The following NKAIN2 variants were observed in gnomAD, a reference collection of about 807,000 sequenced individuals.
The protein encoded by NKAIN2 is sodium/potassium transporting ATPase interacting 2.
In NKAIN2, 14 loss-of-function variants were observed where a neutral mutation model predicts 32.6. The observed-to-expected ratio is 0.43, with a 90% CI of 0.28 to 0.67. The LOEUF is 0.67. NKAIN2 is among the 30% of genes least tolerant of loss of function. The pLI, the probability that NKAIN2 is intolerant of heterozygous loss-of-function variation, is 0.17. For synonymous variants in NKAIN2, 80 were observed against 87.2 expected, an observed-to-expected ratio of 0.92 and a Z score of 0.46; for missense variants, 198 against 258.3, an observed-to-expected ratio of 0.77 and a Z score of 1.60.
At position 124,563,874 on chromosome 6, in the gene NKAIN2, GACAGGGTGTATCATC is replaced by G. The variant is rs144226629; in HGVS notation, c.274-94308_274-94294del. Among the ~76,000 whole-genome samples, 513 of 152,264 alleles carry G rather than the reference GACAGGGTGTATCATC, an allele frequency of 3.4e-3. 2 individuals carry two copies. Among genetic ancestry groups the G allele is most frequent in the African/African-American group, 0.012 (501 of 41,540 alleles). On this transcript the variant is annotated intron_variant, in intron 3 of 6. Coordinates refer to ENST00000368417, the MANE Select transcript of NKAIN2 (RefSeq NM_001040214.3). ...GGGCTTCACTGGGCAATGAAGAGGG[GACAGGGTGTATCATC>G]ACATGTAGAGGAGGGGTCCCAGTGG... is the stretch of plus-strand genomic sequence containing the variant.
At chr6:123,970,839 G>A (rs537476658) in intron 1 of NKAIN2, among the ~76,000 whole-genome samples, 1 of 151,878 alleles carries the variant, frequency 6.6e-6, no homozygotes, top group Non-Finnish European at 1.5e-5. Flanking sequence ...CTGAGATCGC[G>A]CCACTGCACT....
intron 1 of NKAIN2, among the ~76,000 whole-genome samples, chr6:124,003,727 G>C (rs1358878243): frequency 6.6e-6 from 1 of 152,158 alleles, no homozygotes; most frequent in African/African-American, 2.4e-5. Context: ...GTTGACATCA[G>C]AGCTACAGAG....
intron 4 of NKAIN2, among the ~76,000 whole-genome samples, chr6:124,714,020 A>C (rs1775628192): frequency 6.6e-6 from 1 of 152,208 alleles, no homozygotes; most frequent in African/African-American, 2.4e-5. Context: ...CAGCATCCTT[A>C]AGACATTCTC....
At chr6:124,765,741 T>A (rs950176559) in intron 4 of NKAIN2, among the ~76,000 whole-genome samples, 7 of 152,176 alleles carry the variant, frequency 4.6e-5, no homozygotes, top group Admixed American at 1.3e-4. Context: ...CCACCCTGAA[T>A]CTCTAAAAAC....
chr6:124,658,077 A>C, intron 3 of NKAIN2, 109 bp from the exon 4 acceptor site: 1 of 854,152 alleles, frequency 1.2e-6, no homozygotes, highest in South Asian at 1.8e-5. Context: ...GGAAAAAAAA[A>C]ACAAACAAAC....
intron 4 of NKAIN2, among the ~76,000 whole-genome samples, chr6:124,703,738 TAAAC>T (rs899969712): frequency 2.6e-5 from 4 of 151,938 alleles, no homozygotes; most frequent in Non-Finnish European, 5.9e-5. Context: ...TGTTAGGAAA[TAAAC>T]AATCTTCTCA....
At chr6:124,412,369 T>G (rs941000851) in intron 3 of NKAIN2, among the ~76,000 whole-genome samples, 4 of 152,212 alleles carry the variant, frequency 2.6e-5, no homozygotes, top group Non-Finnish European at 5.9e-5. Context: ...ATGTCCTTTC[T>G]GTTTGTTAGT....
At chr6:124,051,694 A>G (rs1469767155) in intron 1 of NKAIN2, among the ~76,000 whole-genome samples, 3 of 151,964 alleles carry the variant, frequency 2.0e-5, no homozygotes, top group Non-Finnish European at 2.9e-5. Flanking sequence ...TGCAGTGCCA[A>G]GTTACAAGAT....
At chr6:124,332,530 A>C (rs905059955) in intron 2 of NKAIN2, among the ~76,000 whole-genome samples, 2 of 152,204 alleles carry the variant, frequency 1.3e-5, no homozygotes, top group African/African-American at 4.8e-5. Flanking sequence ...AAGTAGCATA[A>C]GTCTTGCAAA....
intron 3 of NKAIN2, among the ~76,000 whole-genome samples, chr6:124,401,829 A>G (rs1313049037): frequency 6.6e-6 from 1 of 152,128 alleles, no homozygotes; most frequent in Non-Finnish European, 1.5e-5. Context: ...GTATACAACT[A>G]TTATTTACTC....
intron 2 of NKAIN2, among the ~76,000 whole-genome samples, chr6:124,349,239 C>T (rs763170049): frequency 6.6e-6 from 1 of 151,944 alleles, no homozygotes; most frequent in African/African-American, 2.4e-5. Context: ...CTGGTTTACC[C>T]CCTCACAGAT....
At chr6:124,185,099 G>A (rs1255347363) in intron 1 of NKAIN2, among the ~76,000 whole-genome samples, 1 of 151,904 alleles carries the variant, frequency 6.6e-6, no homozygotes, top group Non-Finnish European at 1.5e-5. Flanking sequence ...ACATATCTAT[G>A]TATGTACTAT....
chr6:124,700,187 C>T (rs1242763232), intron 4 of NKAIN2, among the ~76,000 whole-genome samples: 1 of 152,094 alleles, frequency 6.6e-6, no homozygotes, highest in African/African-American at 2.4e-5. Flanking sequence ...TATTGTTCTA[C>T]ACATGAATAT....
In NKAIN2 at chr6:124,321,411, A is replaced by C. The variant is rs148928154; in HGVS notation, c.193-33856A>C. Among the ~76,000 whole-genome samples the C allele has an allele frequency of 9.6e-4, 146 of 152,312 alleles. 2 individuals carry two copies. The East Asian group carries it at 0.024, about 25-fold the overall frequency. Reference sequence around the variant, plus strand: ...TGCAGCAAACCACCATGTCACGTGTATACCAATGTAACAAACCTGCACGTT... The same window carrying C: ...TGCAGCAAACCACCATGTCACGTGTCTACCAATGTAACAAACCTGCACGTT... On this transcript the variant is annotated intron_variant, in intron 2 of 6. Coordinates refer to ENST00000368417, the MANE Select transcript of NKAIN2 (RefSeq NM_001040214.3).
At chr6:124,418,170 G>T (rs1260166039) in intron 3 of NKAIN2, among the ~76,000 whole-genome samples, 1 of 151,908 alleles carries the variant, frequency 6.6e-6, no homozygotes, top group Non-Finnish European at 1.5e-5. Context: ...GTGTGTGTGT[G>T]TGTGTGTCTG....
chr6:123,858,331 G>A (rs1040971469), intron 1 of NKAIN2, among the ~76,000 whole-genome samples: 1 of 152,020 alleles, frequency 6.6e-6, no homozygotes, highest in Non-Finnish European at 1.5e-5. Flanking sequence ...AGTCAGGCTG[G>A]TCTCAAACTC....
intron 1 of NKAIN2, among the ~76,000 whole-genome samples, chr6:124,032,341 C>T (rs1781442861): frequency 6.6e-6 from 1 of 151,754 alleles, no homozygotes; most frequent in South Asian, 2.1e-4. Context: ...AGCACACCAA[C>T]ATGGCACATG....
At chr6:123,899,527 G>C (rs1562246631) in intron 1 of NKAIN2, among the ~76,000 whole-genome samples, 1 of 152,134 alleles carries the variant, frequency 6.6e-6, no homozygotes, top group South Asian at 2.1e-4. Flanking sequence ...ACTTGGATTT[G>C]TCGAGAAAAC....
chr6:123,855,012 G>A (rs1408421044), intron 1 of NKAIN2, among the ~76,000 whole-genome samples: 2 of 152,122 alleles, frequency 1.3e-5, no homozygotes, highest in East Asian at 3.9e-4. Context: ...CTGTCCGAAT[G>A]TCATTATATT....
Sources: allele counts gnomAD v4.1 joint callset (sites outside exome capture counted in the v4.1 genomes callset), GRCh38; gene constraint gnomAD v4.1.1; transcripts MANE v1.5; gene names NCBI Gene and HGNC (gene_info 2026-07-23, HGNC 2026-07-21).